The following PHF24 variants were observed in gnomAD, a reference collection of about 807,000 sequenced individuals.
PHF24 encodes PHD finger protein 24.
Under a neutral mutation model 42.6 loss-of-function variants are expected in PHF24, and 25 were observed. That is an observed-to-expected ratio of 0.59 (90% confidence interval 0.43 to 0.82). PHF24 has a LOEUF of 0.82. Among genes scored for constraint, PHF24 ranks in the 40% least tolerant of loss-of-function variants. PHF24 has a pLI of 0.00. For synonymous variants in PHF24, 185 were observed against 204.8 expected, an observed-to-expected ratio of 0.90 and a Z score of 0.83; for missense variants, 470 against 538.1, an observed-to-expected ratio of 0.87 and a Z score of 1.25.
chr9:34,731,086 C>T, the PHF24 span, among the ~76,000 whole-genome samples: 1 of 152,144 alleles, frequency 6.6e-6, no homozygotes, highest in Non-Finnish European at 1.5e-5. Context: ...TCATCCCTGT[C>T]TCCTCCTATT....
At chr9:34,875,907 T>TAC in the PHF24 span, among the ~76,000 whole-genome samples, 461 of 116,246 alleles carry the variant, frequency 4.0e-3, 4 homozygotes, top group Admixed American at 0.011. Context: ...CTCTCTCTCT[T>TAC]ACACACACAC....
the PHF24 span, among the ~76,000 whole-genome samples, chr9:34,673,653 G>C: frequency 1.3e-5 from 2 of 148,938 alleles, no homozygotes; most frequent in Non-Finnish European, 3.0e-5. Flanking sequence ...ACGGAGTCTC[G>C]CTCTGTCGCC....
chr9:34,841,967 C>T, the PHF24 span, among the ~76,000 whole-genome samples: 1 of 152,208 alleles, frequency 6.6e-6, no homozygotes, highest in Non-Finnish European at 1.5e-5. Flanking sequence ...ATTTATACCG[C>T]TTTGTAATTG....
the PHF24 span, among the ~76,000 whole-genome samples, chr9:34,748,246 A>G: frequency 6.6e-6 from 1 of 151,974 alleles, no homozygotes. Flanking sequence ...AGATTTGTAT[A>G]TTTTTCTGTA....
chr9:34,938,206 CAG>C, the PHF24 span, among the ~76,000 whole-genome samples: 2 of 152,168 alleles, frequency 1.3e-5, no homozygotes, highest in African/African-American at 4.8e-5. Context: ...TCTTATAAAA[CAG>C]AACTTTCAAG....
Position 34,972,396 on chromosome 9 carries a change from C to A in PHF24, c.429C>A (p.Ser143Arg), listed in dbSNP as rs769394220. The A allele has an allele frequency of 1.9e-6, 3 of 1,613,980 alleles. No individual in the cohort carries two copies. In the South Asian group the frequency reaches 3.3e-5, roughly 18 times the overall value. Reference sequence around the variant, plus strand: ...TTTGTGAGGTCTGGACAGCTGAGAGCCTCTTCCCGTGCAGGGTCTGCACCA... The same window carrying A: ...TTTGTGAGGTCTGGACAGCTGAGAGACTCTTCCCGTGCAGGGTCTGCACCA... Residue 143 changes from serine to arginine, a missense_variant, in exon 3 of 8, where the codon AGC (serine) becomes AGA (arginine). By Grantham distance (110) the Ser-to-Arg change is moderately radical. Coordinates refer to ENST00000242315, the Ensembl canonical transcript of PHF24.
At chr9:34,677,222 C>T in the PHF24 span, among the ~76,000 whole-genome samples, 1 of 152,210 alleles carries the variant, frequency 6.6e-6, no homozygotes, top group Non-Finnish European at 1.5e-5. Context: ...AGCTCAGCCT[C>T]ATGTTCTACT....
chr9:34,868,949 A>C, the PHF24 span, among the ~76,000 whole-genome samples: 1 of 152,168 alleles, frequency 6.6e-6, no homozygotes, highest in South Asian at 2.1e-4. Flanking sequence ...GTTGTTCCCC[A>C]CCATGTGTCC....
the PHF24 span, chr9:34,666,018 C>G: frequency 3.0e-6 from 1 of 331,764 alleles, no homozygotes; most frequent in Non-Finnish European, 5.6e-6. Context: ...GCCTAAACTC[C>G]CGCCCTCCCT....
At chr9:34,835,226 G>A in the PHF24 span, 7 of 1,552,092 alleles carry the variant, frequency 4.5e-6, no homozygotes, top group Admixed American at 2.0e-5. Context: ...TGAACACCAG[G>A]TCTGGAGGGA....
chr9:34,972,247 G>A, intron 2 of PHF24, 99 bp from the exon 3 acceptor site: 1 of 1,076,124 alleles, frequency 9.3e-7, no homozygotes, highest in Non-Finnish European at 1.3e-6. Context: ...GCTAATCTGG[G>A]AAGACTCAGC....
chr9:34,794,438 C>T, the PHF24 span, among the ~76,000 whole-genome samples: 2 of 152,144 alleles, frequency 1.3e-5, no homozygotes, highest in African/African-American at 2.4e-5. Context: ...AGTTATTCAA[C>T]ATATGAAACC....
At chr9:34,901,119 T>G in the PHF24 span, among the ~76,000 whole-genome samples, 90 of 152,366 alleles carry the variant, frequency 5.9e-4, no homozygotes, top group Admixed American at 1.4e-3. Context: ...AAGAAAACTC[T>G]TATTTTTTTA....
chr9:34,857,248 G>A, the PHF24 span, among the ~76,000 whole-genome samples: 1 of 152,204 alleles, frequency 6.6e-6, no homozygotes, highest in Non-Finnish European at 1.5e-5. Flanking sequence ...ATGGGAGTGG[G>A]GCCCGTGGGA....
At chr9:34,890,466 T>C in the PHF24 span, among the ~76,000 whole-genome samples, 1,209 of 152,282 alleles carry the variant, frequency 7.9e-3, 20 homozygotes, top group South Asian at 0.057. Flanking sequence ...ATGTCTCCAC[T>C]GGGTGTGAGA....
the PHF24 span, chr9:34,723,336 G>A: frequency 2.6e-6 from 4 of 1,551,742 alleles, no homozygotes; most frequent in Non-Finnish European, 2.6e-6. Context: ...TGTCTGGAGT[G>A]TAGCCGGAGC....
At chr9:34,892,568 A>G in the PHF24 span, 1 of 421,428 alleles carries the variant, frequency 2.4e-6, no homozygotes, top group Non-Finnish European at 4.2e-6. Context: ...TAGCAGTTGG[A>G]AAGGAATGTA....
the PHF24 span, among the ~76,000 whole-genome samples, chr9:34,712,156 A>G: frequency 6.6e-6 from 1 of 151,012 alleles, no homozygotes; most frequent in Non-Finnish European, 1.5e-5. Flanking sequence ...TTGGCCTCCC[A>G]TGGTTTCTGA....
At chr9:34,710,138 C>A in the PHF24 span, 1 of 1,303,130 alleles carries the variant, frequency 7.7e-7, no homozygotes, top group Non-Finnish European at 1.1e-6. Context: ...GGGGTCTGTG[C>A]GTGGGCTGGG....
Sources: allele counts gnomAD v4.1 joint callset (sites outside exome capture counted in the v4.1 genomes callset), GRCh38; gene constraint gnomAD v4.1.1; transcripts MANE v1.5; gene names NCBI Gene and HGNC (gene_info 2026-07-23, HGNC 2026-07-21).